Variants in GTF3C5 observed in about 807,000 individuals in gnomAD.
GTF3C5 encodes the protein general transcription factor IIIC subunit 5, also known as general transcription factor 3C polypeptide 5.
Under a neutral mutation model 61.0 loss-of-function variants are expected in GTF3C5, and 47 were observed. The observed-to-expected ratio is 0.77, with a 90% CI of 0.61 to 0.98. The LOEUF (loss-of-function observed/expected upper bound fraction) is 0.98. Ranked by LOEUF, GTF3C5 falls within the 50% of genes least tolerant of loss-of-function variation. GTF3C5 has a pLI of 0.00. For missense variants in GTF3C5, 659 were observed against 703.3 expected, an observed-to-expected ratio of 0.94 and a Z score of 0.71; for synonymous variants, 295 against 275.4, an observed-to-expected ratio of 1.07 and a Z score of -0.71.
intron 3 of GTF3C5, among the ~76,000 whole-genome samples, chr9:133,047,590 C>T (rs866725001): frequency 1.3e-5 from 2 of 151,612 alleles, no homozygotes; most frequent in Non-Finnish European, 2.9e-5. Context: ...GGCGCGATCT[C>T]GGCTCACTGC....
At chr9:133,056,223 T>C in intron 9 of GTF3C5, 129 bp downstream of exon 9, 1 of 747,380 alleles carries the variant, frequency 1.3e-6, no homozygotes, top group Non-Finnish European at 2.2e-6. Context: ...TCTGGGAGTT[T>C]GGTGCTGCCG....
Position 133,042,160 on chromosome 9 carries a change from C to G in GTF3C5, c.227C>G (p.Ala76Gly). The change falls in exon 2 of 11, where the codon GCC becomes GGC. Residue 76 changes from alanine (A) to glycine (G), a missense_variant. Physicochemically the swap from Ala to Gly is moderately conservative, Grantham distance 60 (BLOSUM62 0). Coordinates refer to ENST00000372097, the MANE Select transcript of GTF3C5 (RefSeq NM_012087.4). ...GACCCATACTGCCACCCAGTGTGCG[C>G]CAACCGCTTCAGTACCAGCAGCCTG... ...PKDPYCHPVC[A>G]NRFSTSSLLL... 1 of 1,614,040 alleles carries G rather than the reference C, an allele frequency of 6.2e-7. No homozygotes were observed. Among genetic ancestry groups the G allele is most frequent in the Non-Finnish European group, 8.5e-7 (1 of 1,179,908 alleles).
rs1829993134 is a variant in GTF3C5, at chr9:133,058,057, C to A, written c.*77C>A. ...ATGAGGGAGCCGGGGCTCCCCATTG[C>A]CACCCACAGTGCCCGGAATGGCCCT... On this transcript the variant is annotated 3_prime_UTR_variant, in exon 11 of 11. Transcript: ENST00000372097. 2 of 1,589,878 alleles carry A rather than the reference C, an allele frequency of 1.3e-6. No individual in the cohort carries two copies. The highest frequency in any genetic ancestry group is 1.1e-5 in the South Asian group (1 of 88,028).
chr9:133,049,883 A>G lies in GTF3C5; in HGVS notation c.573-900A>G, dbSNP rs566451802. On this transcript the variant is annotated intron_variant, in intron 3 of 10. Transcript: ENST00000372097. Reference sequence around the variant, plus strand: ...CCACTCAGCCTCCCCCGTGATCAGCATCTCAGTAGAGTGGGGCGCTTGTTA... The same window carrying G: ...CCACTCAGCCTCCCCCGTGATCAGCGTCTCAGTAGAGTGGGGCGCTTGTTA... Among the ~76,000 whole-genome samples, 3 of 152,234 alleles carry G rather than the reference A, an allele frequency of 2.0e-5. No individual in the cohort carries two copies. The South Asian group carries it at 6.2e-4, about 32-fold the overall frequency.
intron 1 of GTF3C5, among the ~76,000 whole-genome samples, chr9:133,036,790 T>G (rs575539565): frequency 9.2e-5 from 14 of 152,304 alleles, no homozygotes; most frequent in African/African-American, 3.4e-4. Context: ...TACGAGTTCC[T>G]GCTTAGTTTT....
intron 3 of GTF3C5, among the ~76,000 whole-genome samples, chr9:133,045,799 G>A (rs1850185294): frequency 1.3e-5 from 2 of 152,100 alleles, no homozygotes; most frequent in South Asian, 4.2e-4. Context: ...AGTACGCCCA[G>A]CTTATTTTTG....
At chr9:133,046,632 ACAG>A (rs1850215684) in intron 3 of GTF3C5, among the ~76,000 whole-genome samples, 1 of 152,166 alleles carries the variant, frequency 6.6e-6, no homozygotes, top group African/African-American at 2.4e-5. Context: ...CACGGACAGC[ACAG>A]CAGCTGGGGT....
At chr9:133,035,893 G>C (rs912280779) in intron 1 of GTF3C5, among the ~76,000 whole-genome samples, 8 of 152,172 alleles carry the variant, frequency 5.3e-5, no homozygotes, top group Non-Finnish European at 1.0e-4. Flanking sequence ...ATGAGACCTC[G>C]TTCGGTCCAA....
intron 2 of GTF3C5, among the ~76,000 whole-genome samples, chr9:133,042,644 C>T (rs528057548): frequency 5.9e-5 from 9 of 152,344 alleles, no homozygotes; most frequent in African/African-American, 1.9e-4. Context: ...CTTCTCTTGT[C>T]TCGGCTGCTG....
At chr9:133,049,250 AGGGTT>A (rs1850301165) in intron 3 of GTF3C5, among the ~76,000 whole-genome samples, 1 of 152,204 alleles carries the variant, frequency 6.6e-6, no homozygotes. Context: ...CTCTCCCTAC[AGGGTT>A]GGGCACAGGT....
At chr9:133,054,857 G>T in intron 8 of GTF3C5, 48 bp downstream of exon 8, 1 of 1,541,074 alleles carries the variant, frequency 6.5e-7, no homozygotes, top group Non-Finnish European at 8.8e-7. Flanking sequence ...TTCCCTCTTG[G>T]GGCCGGGCAC....
intron 10 of GTF3C5, among the ~76,000 whole-genome samples, 159 bp from the exon 11 acceptor site, chr9:133,057,655 C>T (rs913100649): frequency 6.6e-6 from 1 of 152,092 alleles, no homozygotes; most frequent in African/African-American, 2.4e-5. Flanking sequence ...ACTACAGCTT[C>T]CCTGGGGGGC....
chr9:133,056,693 A>C, intron 9 of GTF3C5, 73 bp from the exon 10 acceptor site: 1 of 1,445,112 alleles, frequency 6.9e-7, no homozygotes, highest in Non-Finnish European at 9.3e-7. Flanking sequence ...GCCTCTGGCA[A>C]AAACCAACAC....
intron 7 of GTF3C5, 91 bp from the exon 8 acceptor site, chr9:133,054,621 G>C: frequency 7.1e-7 from 1 of 1,413,700 alleles, no homozygotes. Flanking sequence ...CTAGGAGGGG[G>C]TGGGCTGGCA....
intron 2 of GTF3C5, 120 bp from the exon 3 acceptor site, chr9:133,043,608 A>C (rs1588468702): frequency 1.3e-6 from 1 of 761,362 alleles, no homozygotes; most frequent in Non-Finnish European, 2.2e-6. Context: ...TGCCACCCTC[A>C]CCCTGCAGCC....
rs1187183628 is a variant in GTF3C5, at chr9:133,031,061, A to T, written c.50A>T (p.Glu17Val). 6.2e-7 allele frequency: 1 copy of T among 1,612,078 alleles called. No individual in the cohort carries two copies. Residue 17 changes from glutamate (E) to valine (V), a missense_variant, in exon 1 of 11, where the codon GAG becomes GTG. By Grantham distance (121) the Glu-to-Val change is moderately radical. Transcript: ENST00000372097. ...DLGLGAAVPV[E>V]LRRERRMVCV... Reference sequence around the variant, plus strand: ...GGGCTGGGGGCCGCCGTCCCCGTGGAGCTGAGGCGGGAGCGACGCATGGTG... The same window carrying T: ...GGGCTGGGGGCCGCCGTCCCCGTGGTGCTGAGGCGGGAGCGACGCATGGTG...
Position 133,056,875 on chromosome 9 carries a change from A to G in GTF3C5, c.1360A>G (p.Met454Val), listed in dbSNP as rs146635347. Reference protein sequence around the residue: ...SDELRDTMSLMIRQTIRSKRP... With the variant: ...SDELRDTMSLVIRQTIRSKRP... ...CGAGCTCAGGGACACCATGTCCCTCATGATCCGGCAGACCATCCGCTCCAA... is the reference window on the plus strand; with the variant it reads ...CGAGCTCAGGGACACCATGTCCCTCGTGATCCGGCAGACCATCCGCTCCAA... The change falls in exon 10 of 11, where the codon ATG becomes GTG. Residue 454 changes from methionine to valine, a missense_variant. By Grantham distance (21) the Met-to-Val change is conservative (BLOSUM62 1). Coordinates refer to ENST00000372097, the MANE Select transcript of GTF3C5 (RefSeq NM_012087.4). The G allele has an allele frequency of 2.5e-6, 4 of 1,608,554 alleles. No individual in the cohort carries two copies. Among genetic ancestry groups the G allele is most frequent in the African/African-American group, 2.7e-5 (2 of 74,690 alleles).
chr9:133,033,403 C>T (rs1424820108), intron 1 of GTF3C5, among the ~76,000 whole-genome samples: 5 of 152,160 alleles, frequency 3.3e-5, no homozygotes, highest in Admixed American at 6.5e-5. Context: ...ACCACAATGC[C>T]ACCATACATC....
upstream of GTF3C5, chr9:133,030,739 A>G (rs1849700038): frequency 1.8e-6 from 1 of 562,480 alleles, no homozygotes; most frequent in South Asian, 2.0e-5. Flanking sequence ...CTCGCTGGCT[A>G]GTAGGAGAGA....
Sources: gnomAD v4.1 joint callset for allele counts (sites outside exome capture counted in the v4.1 genomes callset) on GRCh38, gnomAD v4.1.1 for gene constraint, MANE v1.5 for transcripts, NCBI Gene and HGNC (gene_info 2026-07-23, HGNC 2026-07-21) for gene names.